The following MAP7 variants were observed in gnomAD, a reference collection of about 807,000 sequenced individuals.
MAP7 encodes ensconsin.
Under a neutral mutation model 94.8 loss-of-function variants are expected in MAP7, and 52 were observed. The ratio of observed to expected loss-of-function variants is 0.55; its 90% CI spans 0.44 to 0.69. MAP7 has a LOEUF of 0.69. Among genes scored for constraint, MAP7 ranks in the 30% least tolerant of loss-of-function variants. The pLI is 0.00. For synonymous variants in MAP7, 350 were observed against 357.0 expected (o/e 0.98, Z 0.22); for missense variants, 940 against 964.6 (o/e 0.97, Z 0.34).
intron 1 of MAP7, among the ~76,000 whole-genome samples, chr6:136,436,568 T>C (rs969693644): frequency 2.0e-5 from 3 of 152,088 alleles, no homozygotes; most frequent in Non-Finnish European, 4.4e-5. Context: ...TTTGTAGAGA[T>C]AGAGTCTCGC....
rs78525633 is a variant in MAP7 at position 136,389,148 on chromosome 6, T to C, written c.408+206A>G. ...AGGTTTGGACCAGAGAAATGGGCTT[T>C]TAAACTTTCTGTGGCAATAATAATC... On this transcript the variant is annotated intron_variant, in intron 4 of 17. Coordinates refer to ENST00000354570, the MANE Select transcript of MAP7 (RefSeq NM_003980.6). Among the ~76,000 whole-genome samples the C allele has an allele frequency of 5.6e-3, 860 of 152,290 alleles. 8 individuals are homozygous for C. The highest frequency in any genetic ancestry group is 0.02 in the African/African-American group (821 of 41,554).
intron 1 of MAP7, among the ~76,000 whole-genome samples, chr6:136,546,814 T>C (rs1166694184): frequency 1.3e-5 from 2 of 152,238 alleles, no homozygotes; most frequent in East Asian, 3.8e-4. Flanking sequence ...AATGATTGTT[T>C]CTCATGCATT....
intron 1 of MAP7, among the ~76,000 whole-genome samples, chr6:136,435,025 G>A (rs1222752192): frequency 6.6e-6 from 1 of 152,186 alleles, no homozygotes; most frequent in Non-Finnish European, 1.5e-5. Context: ...TGGGCCCTTT[G>A]GGGGTCATGA....
At chr6:136,372,441 G>A in intron 8 of MAP7, 60 bp downstream of exon 8, 1 of 1,602,670 alleles carries the variant, frequency 6.2e-7, no homozygotes, top group Non-Finnish European at 8.5e-7. Flanking sequence ...GTCATGTACA[G>A]TCTGCACAGG....
intron 17 of MAP7, among the ~76,000 whole-genome samples, chr6:136,344,575 G>A (rs1244701942): frequency 6.6e-6 from 1 of 152,108 alleles, no homozygotes; most frequent in Admixed American, 6.5e-5. Context: ...AACATATGTT[G>A]GAGGTTAAAT....
At chr6:136,487,943 A>G (rs983393054) in intron 1 of MAP7, among the ~76,000 whole-genome samples, 1 of 152,214 alleles carries the variant, frequency 6.6e-6, no homozygotes, top group Non-Finnish European at 1.5e-5. Context: ...AGTCATACTT[A>G]TTCTGGGAAA....
intron 1 of MAP7, among the ~76,000 whole-genome samples, chr6:136,432,565 A>G (rs183071586): frequency 7.0e-4 from 106 of 152,338 alleles, no homozygotes; most frequent in African/African-American, 2.5e-3. Context: ...GATCAAACCC[A>G]CTAACCTCAT....
At chr6:136,386,024 GC>G (rs1779100325) in intron 5 of MAP7, among the ~76,000 whole-genome samples, 1 of 152,126 alleles carries the variant, frequency 6.6e-6, no homozygotes. Flanking sequence ...ACCCGCCTCA[GC>G]CTCCCAAAGT....
chr6:136,503,495 T>C (rs938515606), intron 1 of MAP7, among the ~76,000 whole-genome samples: 4 of 152,110 alleles, frequency 2.6e-5, no homozygotes, highest in African/African-American at 7.2e-5. Flanking sequence ...TTCCCACAGA[T>C]CCGCACAGTG....
chr6:136,516,093 T>C (rs1583117907), intron 1 of MAP7, among the ~76,000 whole-genome samples: 2 of 152,048 alleles, frequency 1.3e-5, no homozygotes, highest in African/African-American at 4.8e-5. Context: ...TAATACACAA[T>C]TTGCCTGGAG....
chr6:136,434,625 T>C (rs1018820149), intron 1 of MAP7, among the ~76,000 whole-genome samples: 4 of 150,616 alleles, frequency 2.7e-5, no homozygotes, highest in African/African-American at 9.7e-5. Context: ...AGCTGTTCAA[T>C]CTCTAATTTG....
intron 1 of MAP7, among the ~76,000 whole-genome samples, chr6:136,519,576 T>C (rs909720894): frequency 4.6e-5 from 7 of 152,178 alleles, no homozygotes; most frequent in African/African-American, 1.7e-4. Flanking sequence ...GGAATATAAA[T>C]GGTAAACACT....
At chr6:136,430,353 C>A (rs1226978772) in intron 1 of MAP7, among the ~76,000 whole-genome samples, 1 of 152,088 alleles carries the variant, frequency 6.6e-6, no homozygotes, top group Admixed American at 6.5e-5. Context: ...AATAGAAAAG[C>A]TTTCATACTT....
At chr6:136,403,571 G>C (rs1396415865) in intron 3 of MAP7, among the ~76,000 whole-genome samples, 1 of 152,222 alleles carries the variant, frequency 6.6e-6, no homozygotes, top group Non-Finnish European at 1.5e-5. Flanking sequence ...TAGCAAGAAA[G>C]AGCTGGGCAT....
At chr6:136,394,941 T>TATATATATATAC (rs1781929989) in intron 3 of MAP7, among the ~76,000 whole-genome samples, 2 of 96,416 alleles carry the variant, frequency 2.1e-5, no homozygotes, top group African/African-American at 9.1e-5. Flanking sequence ...CATATATATA[T>TATATATATATAC]ATATATATAT....
chr6:136,395,531 C>A (rs1379124270), intron 3 of MAP7, among the ~76,000 whole-genome samples: 1 of 147,216 alleles, frequency 6.8e-6, no homozygotes, highest in African/African-American at 2.5e-5. Flanking sequence ...TCTGTTGTTT[C>A]CTTTGCTGTG....
chr6:136,382,880 C>T (rs1265582196), intron 6 of MAP7, among the ~76,000 whole-genome samples: 1 of 152,082 alleles, frequency 6.6e-6, no homozygotes, highest in Non-Finnish European at 1.5e-5. Context: ...CTTCATATTG[C>T]ACAACAATTC....
chr6:136,389,475 C>A lies in MAP7; in HGVS notation c.287G>T (p.Arg96Met). Residue 96 changes from arginine (R) to methionine (M), a missense_variant, in exon 4 of 18, where the codon AGG becomes ATG. Coordinates refer to ENST00000354570, the MANE Select transcript of MAP7 (RefSeq NM_003980.6). ...TTCCAGGTGCTTCTCGTAGTGCTGC[C>A]TGGCTCGCTCTTCTCTTTCTAACCA... ...IVWLEREERA[R>M]QHYEKHLEER... 2 of 1,611,028 alleles carry A rather than the reference C, an allele frequency of 1.2e-6. No homozygotes were observed. Among genetic ancestry groups the A allele is most frequent in the Non-Finnish European group, 1.7e-6 (2 of 1,179,226 alleles).
intron 1 of MAP7, among the ~76,000 whole-genome samples, chr6:136,479,702 C>T (rs2876333): frequency 2.0e-5 from 3 of 152,110 alleles, no homozygotes; most frequent in Non-Finnish European, 4.4e-5. Flanking sequence ...AGTAGCATTT[C>T]CATACACCAA....
Sources: gnomAD v4.1 joint callset for allele counts (sites outside exome capture counted in the v4.1 genomes callset) on GRCh38, gnomAD v4.1.1 for gene constraint, MANE v1.5 for transcripts, NCBI Gene and HGNC (gene_info 2026-07-23, HGNC 2026-07-21) for gene names.